The following CEP85L variants were observed in gnomAD, a reference collection of about 807,000 sequenced individuals.
The protein encoded by CEP85L is centrosomal protein 85L, also known as centrosomal protein of 85 kDa-like.
In CEP85L, 60 loss-of-function variants were observed where a neutral mutation model predicts 100.3. The observed-to-expected ratio is 0.60, with a 90% CI of 0.49 to 0.74. The LOEUF (loss-of-function observed/expected upper bound fraction) is 0.74, where lower values mean the gene tolerates loss of function less well. Ranked by LOEUF, CEP85L falls within the 30% of genes least tolerant of loss-of-function variation. The pLI is 0.00. For missense variants in CEP85L, 973 were observed against 936.2 expected, an observed-to-expected ratio of 1.04 and a Z score of -0.51; for synonymous variants, 319 against 322.7, an observed-to-expected ratio of 0.99 and a Z score of 0.12.
At chr6:118,534,780 G>T (rs1562238412) in intron 3 of CEP85L, among the ~76,000 whole-genome samples, 1 of 152,110 alleles carries the variant, frequency 6.6e-6, no homozygotes, top group Non-Finnish European at 1.5e-5. Flanking sequence ...AGCATTTTGA[G>T]AGGCCTAGGC....
chr6:118,496,090 T>C (rs1242027808), intron 5 of CEP85L, among the ~76,000 whole-genome samples: 1 of 152,224 alleles, frequency 6.6e-6, no homozygotes, highest in African/African-American at 2.4e-5. Context: ...TAACTGGATG[T>C]CCTTCTGGCT....
At chr6:118,614,849 T>TAGAC (rs61384909) in intron 2 of CEP85L, among the ~76,000 whole-genome samples, 26,224 of 146,122 alleles carry the variant, frequency 0.18, 2,504 homozygotes, top group Non-Finnish European at 0.22. Flanking sequence ...CATTCATTCA[T>TAGAC]AGACAGACAG....
At chr6:118,537,298 T>C (rs909436915) in intron 3 of CEP85L, among the ~76,000 whole-genome samples, 2 of 152,150 alleles carry the variant, frequency 1.3e-5, no homozygotes, top group African/African-American at 4.8e-5. Context: ...AAACAAAGTA[T>C]GCCATCAAAG....
chr6:118,596,925 TTCCCATAA>T (rs780795185), intron 2 of CEP85L, among the ~76,000 whole-genome samples: 1 of 152,226 alleles, frequency 6.6e-6, no homozygotes, highest in Non-Finnish European at 1.5e-5. Flanking sequence ...TGAATTGTAG[TTCCCATAA>T]TCCCCACATG....
intron 5 of CEP85L, among the ~76,000 whole-genome samples, chr6:118,493,523 T>C (rs1774709595): frequency 6.6e-6 from 1 of 152,160 alleles, no homozygotes; most frequent in East Asian, 1.9e-4. Context: ...GATGTTATCA[T>C]TTAAAGAAAT....
At chr6:118,536,462 T>C (rs933215141) in intron 3 of CEP85L, among the ~76,000 whole-genome samples, 5 of 152,192 alleles carry the variant, frequency 3.3e-5, no homozygotes, top group African/African-American at 1.2e-4. Flanking sequence ...TACTGTATGT[T>C]AGACATCAAC....
At chr6:118,709,452 G>A (rs1308703415) in intron 1 of CEP85L, among the ~76,000 whole-genome samples, 1 of 151,790 alleles carries the variant, frequency 6.6e-6, no homozygotes, top group Non-Finnish European at 1.5e-5. Flanking sequence ...CTGGAGCTCT[G>A]CCTTTTGGCG....
At chr6:118,555,418 A>T (rs1338754498) in intron 3 of CEP85L, among the ~76,000 whole-genome samples, 1 of 114,610 alleles carries the variant, frequency 8.7e-6, no homozygotes, top group African/African-American at 3.4e-5. Context: ...ACACAGCAAG[A>T]CTGTCTCAAA....
At chr6:118,548,897 A>G (rs1200514176) in intron 3 of CEP85L, among the ~76,000 whole-genome samples, 3 of 152,058 alleles carry the variant, frequency 2.0e-5, no homozygotes, top group African/African-American at 4.8e-5. Flanking sequence ...ATAATTTCAT[A>G]CAGTGAATAA....
At chr6:118,687,777 G>A (rs906132754) in intron 1 of CEP85L, among the ~76,000 whole-genome samples, 2 of 152,126 alleles carry the variant, frequency 1.3e-5, no homozygotes, top group Admixed American at 6.5e-5. Flanking sequence ...GTTTGCCGCC[G>A]TTGCAGACCC....
At chr6:118,612,359 T>A (rs1420201555) in intron 2 of CEP85L, among the ~76,000 whole-genome samples, 1 of 151,828 alleles carries the variant, frequency 6.6e-6, no homozygotes, top group Non-Finnish European at 1.5e-5. Context: ...TAATAGCATA[T>A]TTTAAAAGTG....
At chr6:118,670,441 TG>T (rs377093550) in intron 1 of CEP85L, among the ~76,000 whole-genome samples, 9 of 151,966 alleles carry the variant, frequency 5.9e-5, no homozygotes, top group Non-Finnish European at 1.2e-4. Context: ...TTCCTTTTGT[TG>T]TTGTTGTTGT....
chr6:118,486,263 A>G (rs1168256040), intron 6 of CEP85L, among the ~76,000 whole-genome samples: 1 of 152,120 alleles, frequency 6.6e-6, no homozygotes, highest in East Asian at 1.9e-4. Context: ...GAACTGCATT[A>G]ATTACCTCCA....
chr6:118,496,168 CT>C (rs1409441625), intron 5 of CEP85L, among the ~76,000 whole-genome samples: 1 of 152,104 alleles, frequency 6.6e-6, no homozygotes, highest in Non-Finnish European at 1.5e-5. Context: ...TAGAGAAATG[CT>C]GGCTAGCTGA....
intron 1 of CEP85L, among the ~76,000 whole-genome samples, chr6:118,633,922 A>T (rs1774331259): frequency 6.6e-6 from 1 of 152,246 alleles, no homozygotes; most frequent in African/African-American, 2.4e-5. Context: ...GACAGTTCTT[A>T]AAAAATTAAT....
intron 10 of CEP85L, among the ~76,000 whole-genome samples, chr6:118,478,446 C>T (rs1301421639): frequency 1.3e-5 from 2 of 152,060 alleles, no homozygotes; most frequent in African/African-American, 4.8e-5. Context: ...CATTTATTGT[C>T]TGTCTCTGTG....
intron 2 of CEP85L, among the ~76,000 whole-genome samples, chr6:118,612,498 CAA>C (rs71012395): frequency 2.9e-5 from 4 of 135,890 alleles, no homozygotes; most frequent in Admixed American, 7.2e-5. Context: ...ACTAAAAATA[CAA>C]AAAAAAAAAA....
chr6:118,628,569 A>G (rs1412017566), intron 2 of CEP85L, among the ~76,000 whole-genome samples: 4 of 152,088 alleles, frequency 2.6e-5, no homozygotes, highest in African/African-American at 7.2e-5. Flanking sequence ...AAGAAGGCAG[A>G]GGCTGCAGCC....
At position 118,600,300 on chromosome 6, in the gene CEP85L, GGTGTGTGTGTGTGTGTGTGTGTGTGT is replaced by G. The variant is rs59278037; in HGVS notation, c.232+32127_232+32152del. On this transcript the variant is annotated intron_variant, in intron 2 of 12. Transcript: ENST00000368491. ...CTGCCTGTCCCTGAGCCTTCCTGGG[GGTGTGTGTGTGTGTGTGTGTGTGTGT>G]GTGTGTGTGTGTGTGTGTGTGTGTG... Among the ~76,000 whole-genome samples the G allele has an allele frequency of 2.7e-4, 14 of 52,246 alleles. 1 individual carries two copies. Among genetic ancestry groups the G allele is most frequent in the East Asian group, 5.9e-4 (1 of 1,682 alleles). 34.3% of individuals were successfully genotyped at this position (52,246 alleles called of 152,430 possible).
Sources: gnomAD v4.1 joint callset for allele counts (sites outside exome capture counted in the v4.1 genomes callset) on GRCh38, gnomAD v4.1.1 for gene constraint, MANE v1.5 for transcripts, NCBI Gene and HGNC (gene_info 2026-07-23, HGNC 2026-07-21) for gene names.